The following ZPBP variants were observed in gnomAD, a reference collection of about 807,000 sequenced individuals.
The protein encoded by ZPBP is zona pellucida binding protein.
In ZPBP, 26 loss-of-function variants were observed where a neutral mutation model predicts 44.8. The ratio of observed to expected loss-of-function variants is 0.58; its 90% CI spans 0.43 to 0.81. The LOEUF is 0.81. Among genes scored for constraint, ZPBP ranks in the 30% least tolerant of loss-of-function variants. The probability of loss-of-function intolerance (pLI) is 0.00; values close to 1 mark genes in which losing one functional copy is unlikely to be tolerated. For missense variants in ZPBP, 409 were observed against 434.0 expected (o/e 0.94, Z 0.51); for synonymous variants, 174 against 153.2 (o/e 1.14, Z -1.00).
chr7:49,955,248 A>G (rs763698738), intron 7 of ZPBP, among the ~76,000 whole-genome samples: 36 of 152,166 alleles, frequency 2.4e-4, no homozygotes, highest in Admixed American at 3.9e-4. Flanking sequence ...TCAATGTTCT[A>G]TACTACTCTC....
In ZPBP at chr7:49,923,761, T is replaced by C. The variant is rs115399618; in HGVS notation, n.411+11990A>G. On this transcript the variant is annotated intron_variant and non_coding_transcript_variant, in intron 1 of 2. Transcript: ENST00000465922. ...CTCTTTAATATTTCTTTCGGTGAAT[T>C]TCTACTGGTGATAATTTTTTCAGCT... Among the ~76,000 whole-genome samples, 481 of 152,342 alleles carry C rather than the reference T, an allele frequency of 3.2e-3. 2 individuals carry two copies. Among genetic ancestry groups the C allele is most frequent in the African/African-American group, 0.01 (436 of 41,576 alleles).
intron 2 of ZPBP, among the ~76,000 whole-genome samples, chr7:50,087,846 G>A (rs544317531): frequency 2.0e-5 from 3 of 152,044 alleles, no homozygotes; most frequent in South Asian, 2.1e-4. Context: ...TTGTTAAGGC[G>A]ACAATACTCC....
At chr7:50,005,024 A>T (rs1054519959) in intron 6 of ZPBP, among the ~76,000 whole-genome samples, 1 of 112,440 alleles carries the variant, frequency 8.9e-6, no homozygotes, top group African/African-American at 3.5e-5. Context: ...CAAAGAAAAC[A>T]ACTGAATCAT....
intron 3 of ZPBP, among the ~76,000 whole-genome samples, chr7:50,069,314 G>T (rs1348614244): frequency 1.3e-5 from 2 of 152,136 alleles, no homozygotes; most frequent in East Asian, 3.9e-4. Context: ...TGGGGCAGCT[G>T]ATTTTTACTT....
chr7:49,998,307 T>C (rs879831714), intron 6 of ZPBP, among the ~76,000 whole-genome samples: 38 of 152,314 alleles, frequency 2.5e-4, no homozygotes, highest in Admixed American at 7.8e-4. Context: ...GATCCTGCAA[T>C]TGATATTCGG....
chr7:49,892,808 A>G (rs1224052147), intron 2 of ZPBP, among the ~76,000 whole-genome samples: 2 of 152,246 alleles, frequency 1.3e-5, no homozygotes, highest in East Asian at 3.8e-4. Flanking sequence ...ATGAATATAA[A>G]TGTTCATCAG....
chr7:50,034,924 A>T (rs774981793), intron 4 of ZPBP, among the ~76,000 whole-genome samples: 2 of 152,210 alleles, frequency 1.3e-5, no homozygotes, highest in Non-Finnish European at 2.9e-5. Flanking sequence ...TTCTTCCCCA[A>T]ATATTGAGGA....
chr7:50,091,036 GT>G, intron 1 of ZPBP, among the ~76,000 whole-genome samples: 1 of 151,796 alleles, frequency 6.6e-6, no homozygotes, highest in Non-Finnish European at 1.5e-5. Flanking sequence ...TCACATTGTG[GT>G]TTTGATTTGC....
At chr7:50,084,420 C>T (rs1369684095) in intron 2 of ZPBP, among the ~76,000 whole-genome samples, 1 of 146,728 alleles carries the variant, frequency 6.8e-6, no homozygotes, top group African/African-American at 2.5e-5. Flanking sequence ...AAAAGTTCAA[C>T]AAAATGTAAA....
At chr7:49,954,936 A>G (rs2128760692) in intron 7 of ZPBP, among the ~76,000 whole-genome samples, 1 of 152,340 alleles carries the variant, frequency 6.6e-6, no homozygotes, top group East Asian at 1.9e-4. Flanking sequence ...TTCTGGCCAG[A>G]AAACAATCTT....
intron 7 of ZPBP, among the ~76,000 whole-genome samples, chr7:49,947,039 T>C (rs1029517338): frequency 5.3e-5 from 8 of 152,122 alleles, no homozygotes; most frequent in African/African-American, 1.9e-4. Flanking sequence ...TTCTGCTTGA[T>C]GCTTTTTAAT....
At chr7:50,076,704 C>T (rs1584183207) in intron 3 of ZPBP, among the ~76,000 whole-genome samples, 1 of 151,316 alleles carries the variant, frequency 6.6e-6, no homozygotes, top group Non-Finnish European at 1.5e-5. Context: ...TGAAAGATCT[C>T]TATAATGAAA....
chr7:50,013,874 T>C (rs969166253), intron 6 of ZPBP, among the ~76,000 whole-genome samples: 4 of 152,116 alleles, frequency 2.6e-5, no homozygotes, highest in Non-Finnish European at 4.4e-5. Context: ...AATGGATGAA[T>C]GAGTAAATAC....
chr7:49,943,514 C>A, intron 7 of ZPBP: 2 of 405,388 alleles, frequency 4.9e-6, no homozygotes, highest in South Asian at 4.3e-5. Flanking sequence ...TGTTTCTTGT[C>A]AGTGTACAAC....
intron 7 of ZPBP, among the ~76,000 whole-genome samples, chr7:49,956,728 A>C (rs1583911716): frequency 6.6e-6 from 1 of 152,262 alleles, no homozygotes; most frequent in South Asian, 2.1e-4. Flanking sequence ...TCCTATATTG[A>C]GCTATAAGTT....
At chr7:49,953,144 G>A (rs1344065085) in intron 7 of ZPBP, among the ~76,000 whole-genome samples, 1 of 152,060 alleles carries the variant, frequency 6.6e-6, no homozygotes, top group Non-Finnish European at 1.5e-5. Flanking sequence ...GGGAACTAAG[G>A]TGGAGCCCAG....
intron 3 of ZPBP, among the ~76,000 whole-genome samples, chr7:50,078,112 C>G (rs1802189186): frequency 2.0e-5 from 3 of 151,698 alleles, no homozygotes; most frequent in Admixed American, 2.0e-4. Flanking sequence ...AACTGGAGAT[C>G]ATTATGTTAA....
chr7:50,057,373 T>A (rs1423092518), intron 4 of ZPBP, among the ~76,000 whole-genome samples: 1 of 152,156 alleles, frequency 6.6e-6, no homozygotes, highest in Non-Finnish European at 1.5e-5. Context: ...TCCAAGCCTC[T>A]GATAAATTCT....
At chr7:49,929,247 A>G (rs1160946806) in intron 1 of ZPBP, among the ~76,000 whole-genome samples, 1 of 152,230 alleles carries the variant, frequency 6.6e-6, no homozygotes, top group Non-Finnish European at 1.5e-5. Flanking sequence ...GGATATGAAC[A>G]TGCCCTGGAT....
Sources: gnomAD v4.1 joint callset for allele counts (sites outside exome capture counted in the v4.1 genomes callset) on GRCh38, gnomAD v4.1.1 for gene constraint, MANE v1.5 for transcripts, NCBI Gene and HGNC (gene_info 2026-07-23, HGNC 2026-07-21) for gene names.